The following DOCK6 variants were observed in gnomAD, a reference collection of about 807,000 sequenced individuals.
DOCK6 encodes the protein dedicator of cytokinesis protein 6.
DOCK6 carries 167 observed loss-of-function variants against 230.3 expected under a neutral mutation model. The observed-to-expected ratio is 0.73, with a 90% CI of 0.64 to 0.82. The LOEUF is 0.82. DOCK6 is among the 40% of genes least tolerant of loss of function. The pLI is 0.00. For synonymous variants in DOCK6, 1,148 were observed against 1,185.0 expected (o/e 0.97, Z 0.64); for missense variants, 2,598 against 2,825.8 (o/e 0.92, Z 1.83).
intron 24 of DOCK6, among the ~76,000 whole-genome samples, chr19:11,225,685 G>T (rs759132895): frequency 6.6e-6 from 1 of 151,556 alleles, no homozygotes; most frequent in Admixed American, 6.6e-5. Context: ...GAGCAAGACC[G>T]TGTCTCAAAC....
chr19:11,242,925 C>T, intron 13 of DOCK6, 134 bp downstream of exon 13: 1 of 991,896 alleles, frequency 1.0e-6, no homozygotes, highest in Non-Finnish European at 1.6e-6. Context: ...TAGCCAGCCC[C>T]TGAGGTCAGG....
intron 24 of DOCK6, 69 bp from the exon 25 acceptor site, chr19:11,223,175 A>G: frequency 1.4e-6 from 2 of 1,409,872 alleles, no homozygotes; most frequent in Non-Finnish European, 2.0e-6. Flanking sequence ...GGCTCTCACC[A>G]AGATCATCTG....
chr19:11,200,972 G>A lies in DOCK6; in HGVS notation c.5769C>T (p.Asp1923=), dbSNP rs980036523. ...TCTGTAGCATCTTAGCATCTGGTGGGTCCTGCTCGGTGGCAAAGGCCAGCT... is the reference window on the plus strand; with the variant it reads ...TCTGTAGCATCTTAGCATCTGGTGGATCCTGCTCGGTGGCAAAGGCCAGCT... ...TRELAFATEQ[D]PPDAKMLQMV... is the part of the protein sequence containing the mutation. The change falls in exon 45 of 48, where the codon GAC becomes GAT. Residue 1923 remains aspartate, a synonymous_variant. Coordinates refer to ENST00000294618, the MANE Select transcript of DOCK6 (RefSeq NM_020812.4). The surrounding 1 kb of genome is among the most constrained non-coding windows in gnomAD (Gnocchi z 4.3). 2 of 1,613,990 alleles carry A rather than the reference G, an allele frequency of 1.2e-6. No individual in the cohort carries two copies. Among genetic ancestry groups the A allele is most frequent in the Non-Finnish European group, 1.7e-6 (2 of 1,179,880 alleles).
chr19:11,230,002 C>T (rs1438104449), intron 22 of DOCK6, among the ~76,000 whole-genome samples: 2 of 145,664 alleles, frequency 1.4e-5, no homozygotes, highest in Admixed American at 1.4e-4. Flanking sequence ...TGTGATGGTA[C>T]CACTGCACTC....
In DOCK6 at chr19:11,218,053, T is replaced by C. The variant is rs552201774; in HGVS notation, c.3551-662A>G. ...TTTTAGTAGAGACGGGGTTTCACCATGTTGGCCAGGCTAGTCTCAAACTCC... is the reference window on the plus strand; with the variant it reads ...TTTTAGTAGAGACGGGGTTTCACCACGTTGGCCAGGCTAGTCTCAAACTCC... On this transcript the variant is annotated intron_variant, in intron 28 of 47. Coordinates refer to ENST00000294618, the MANE Select transcript of DOCK6 (RefSeq NM_020812.4). Among the ~76,000 whole-genome samples, 23 of 151,972 alleles carry C rather than the reference T, an allele frequency of 1.5e-4. No individual in the cohort carries two copies. In the East Asian group the frequency reaches 4.5e-3, roughly 30 times the overall value.
At chr19:11,261,518 C>T (rs1456715236) in intron 1 of DOCK6, among the ~76,000 whole-genome samples, 2 of 152,198 alleles carry the variant, frequency 1.3e-5, no homozygotes, top group African/African-American at 4.8e-5. Context: ...TGGGGGCAGT[C>T]AGGACAGGTC....
chr19:11,208,979 G>A lies in DOCK6; in HGVS notation c.4876C>T (p.Leu1626Phe), dbSNP rs770394031. 19 of 1,607,062 alleles carry A rather than the reference G, an allele frequency of 1.2e-5. 1 individual carries two copies. The South Asian group carries it at 2.1e-4, about 18-fold the overall frequency. The change falls in exon 38 of 48, where the codon CTC becomes TTC. Residue 1626 changes from leucine to phenylalanine, a missense_variant. By Grantham distance (22) the Leu-to-Phe change is conservative. Transcript: ENST00000294618. ...AGCAGGGCGAGGTACTCAGCCACGA[G>A]GGCGGCCGCGTGCACCATGCACTGG... ...AAQCMVHAAA[L>F]VAEYLALLED... is the part of the protein sequence containing the mutation.
At chr19:11,210,513 CTCACCTGTCCATCCCT>C (rs1463512163) in intron 37 of DOCK6, among the ~76,000 whole-genome samples, 7 of 143,306 alleles carry the variant, frequency 4.9e-5, no homozygotes, top group African/African-American at 1.8e-4. Context: ...TGTCCACCCC[CTCACCTGTCCATCCCT>C]TCACCTGCCC....
chr19:11,233,404 C>T (rs893277103), intron 21 of DOCK6, 38 bp from the exon 22 acceptor site: 1 of 1,596,750 alleles, frequency 6.3e-7, no homozygotes, highest in Non-Finnish European at 8.6e-7. Context: ...ACCCACCCAC[C>T]TGATGTGATG....
intron 5 of DOCK6, 124 bp from the exon 6 acceptor site, chr19:11,251,210 C>T: frequency 1.0e-6 from 1 of 994,168 alleles, no homozygotes; most frequent in African/African-American, 1.6e-5. Flanking sequence ...TGAGGGTCAT[C>T]ACTCTAAGGG....
At position 11,213,144 on chromosome 19, in the gene DOCK6, T is replaced by C. The variant is rs768015681; in HGVS notation, c.4491+32A>G. The C allele has an allele frequency of 3.1e-5, 49 of 1,600,926 alleles. No homozygotes were observed. In the Middle Eastern group the frequency reaches 5.1e-4, roughly 17 times the overall value. Reference sequence around the variant, plus strand: ...CCACTGGCCACCCTGACCAGAGCCATGTGTGGACCATGCCTCCTAGCCCCC... The same window carrying C: ...CCACTGGCCACCCTGACCAGAGCCACGTGTGGACCATGCCTCCTAGCCCCC... On this transcript the variant is annotated intron_variant, in intron 35 of 47. Coordinates refer to ENST00000294618, the MANE Select transcript of DOCK6 (RefSeq NM_020812.4).
intron 30 of DOCK6, 152 bp from the exon 31 acceptor site, chr19:11,216,079 C>T (rs2079481983): frequency 4.0e-5 from 38 of 951,142 alleles, no homozygotes; most frequent in Non-Finnish European, 5.6e-5. Context: ...TTAGCACTTA[C>T]CAAAAAAAAA....
At chr19:11,215,349 G>T (rs780903027) in intron 32 of DOCK6, 38 bp downstream of exon 32, 7 of 1,591,718 alleles carry the variant, frequency 4.4e-6, no homozygotes, top group Admixed American at 1.7e-5. Context: ...GGCCCAAACT[G>T]TTCTGAACTC....
intron 23 of DOCK6, among the ~76,000 whole-genome samples, chr19:11,227,874 C>T (rs2079694486): frequency 6.6e-6 from 1 of 151,962 alleles, no homozygotes; most frequent in South Asian, 2.1e-4. Context: ...AAGGGTGGGG[C>T]TTGAGGCACT....
At position 11,221,959 on chromosome 19, in the gene DOCK6, T is replaced by C. The variant is rs1473141171; in HGVS notation, c.3442A>G (p.Thr1148Ala). 1 of 1,613,724 alleles carries C rather than the reference T, an allele frequency of 6.2e-7. No homozygotes were observed. Among genetic ancestry groups the C allele is most frequent in the Non-Finnish European group, 8.5e-7 (1 of 1,179,894 alleles). The change falls in exon 28 of 48, where the codon ACT becomes GCT. Residue 1148 changes from threonine (T) to alanine (A), a missense_variant. Transcript: ENST00000294618. The stretch of plus-strand genomic sequence containing the variant: ...GTGGCCTCGGCGTAGCGGGGGTCAG[T>C]GTCATGGCCACATAGCAGGCTGTGC... ...AVHSLLCGHD[T>A]DPRYAEATVK...
rs750556460 is a variant in DOCK6 at position 11,243,326 on chromosome 19, C to T, written c.1318G>A (p.Gly440Arg). 4.4e-6 allele frequency: 7 copies of T among 1,599,408 alleles called. No individual in the cohort carries two copies. In the South Asian group the frequency reaches 7.9e-5, roughly 18 times the overall value. ...CCAGAGAAGCTGCAGGCGTCGTCCC[C>T]ACTACTCGCCCGGTCCTGGGGCCCC... ...RRGPQDRASS[G>R]DDACSFSGFR... is the part of the protein sequence containing the mutation. The change falls in exon 12 of 48, where the codon GGG becomes AGG. Residue 440 changes from glycine to arginine, a missense_variant. Coordinates refer to ENST00000294618, the MANE Select transcript of DOCK6 (RefSeq NM_020812.4). The surrounding 1 kb of genome is among the most constrained non-coding windows in gnomAD (Gnocchi z 6.3).
Position 11,222,283 on chromosome 19 carries a change from G to A in DOCK6, c.3241-35C>T. ...GGGGGAAAAATGGGGGATGCCAGCG[G>A]TCAAGGGTCAGAGGTGGCAGGTCAC... On this transcript the variant is annotated intron_variant, in intron 26 of 47. Transcript: ENST00000294618. The surrounding 1 kb of genome is among the most constrained non-coding windows in gnomAD (Gnocchi z 4.0). 6.4e-7 allele frequency: 1 copy of A among 1,574,028 alleles called. No homozygotes were observed. Among genetic ancestry groups the A allele is most frequent in the East Asian group, 2.3e-5 (1 of 42,950 alleles).
intron 5 of DOCK6, 170 bp downstream of exon 5, chr19:11,251,949 A>G (rs2147875904): frequency 1.1e-6 from 1 of 941,678 alleles, no homozygotes; most frequent in Non-Finnish European, 1.6e-6. Context: ...CACCCTAAGC[A>G]CTCAATAAAT....
chr19:11,204,102 G>A lies in DOCK6; in HGVS notation c.5221-7C>T, dbSNP rs1247253975. On this transcript the variant is annotated splice_region_variant and splice_polypyrimidine_tract_variant and intron_variant, in intron 40 of 47. Transcript: ENST00000294618. ...TCACCTCCCAGCCGGAACTCTGTGGGGAAGAGAAGGGTCAAGGTCAGCAGA... is the reference window on the plus strand; with the variant it reads ...TCACCTCCCAGCCGGAACTCTGTGGAGAAGAGAAGGGTCAAGGTCAGCAGA... 8 of 1,549,904 alleles carry A rather than the reference G, an allele frequency of 5.2e-6. No individual in the cohort carries two copies. The highest frequency in any genetic ancestry group is 1.4e-5 in the African/African-American group (1 of 72,828).
Sources: allele counts gnomAD v4.1 joint callset (sites outside exome capture counted in the v4.1 genomes callset), GRCh38; gene constraint gnomAD v4.1.1; non-coding constraint Gnocchi (gnomAD v3.1); transcripts MANE v1.5; gene names NCBI Gene and HGNC (gene_info 2026-07-23, HGNC 2026-07-21).